TTC7A: variants seen among roughly 807,000 people sequenced by gnomAD.
TTC7A encodes tetratricopeptide repeat protein 7A.
TTC7A carries 110 observed loss-of-function variants against 103.7 expected under a neutral mutation model. The observed-to-expected ratio is 1.06, with a 90% CI of 0.91 to 1.24. The LOEUF (loss-of-function observed/expected upper bound fraction) is 1.24. Ranked by LOEUF, TTC7A falls within the 50% of genes most tolerant of loss-of-function variation. TTC7A has a pLI of 0.00. For synonymous variants in TTC7A, 521 were observed against 467.9 expected, an observed-to-expected ratio of 1.11 and a Z score of -1.47; for missense variants, 1,340 against 1,116.3, an observed-to-expected ratio of 1.20 and a Z score of -2.86.
At chr2:47,069,743 G>A (rs549061679) in intron 19 of TTC7A, among the ~76,000 whole-genome samples, 1 of 152,316 alleles carries the variant, frequency 6.6e-6, no homozygotes, top group South Asian at 2.1e-4. Context: ...CTGGAGCTGG[G>A]CTGGAATGCC....
At chr2:46,917,291 C>A (rs897934330) in intron 2 of TTC7A, 2 of 661,160 alleles carry the variant, frequency 3.0e-6, no homozygotes, top group Non-Finnish European at 5.4e-6. Context: ...AGCCACCGCG[C>A]CGGGACAAAG....
At position 46,989,932 on chromosome 2, in the gene TTC7A, A is replaced by T. The variant is rs185784188; in HGVS notation, c.765-3518A>T. Among the ~76,000 whole-genome samples the T allele has an allele frequency of 3.9e-5, 6 of 152,226 alleles. No homozygotes were observed. The East Asian group carries it at 1.2e-3, about 29-fold the overall frequency. On this transcript the variant is annotated intron_variant, in intron 5 of 19. Coordinates refer to ENST00000319190, the MANE Select transcript of TTC7A (RefSeq NM_020458.4). ...GCTGGTCCAAGAGCGTTGATGATGT[A>T]AAGGCTAAAGGCTGAGCTCATTTGG...
At chr2:47,032,348 CTG>C (rs1262362876) in intron 15 of TTC7A, among the ~76,000 whole-genome samples, 1 of 152,214 alleles carries the variant, frequency 6.6e-6, no homozygotes, top group Non-Finnish European at 1.5e-5. Context: ...TGCAGAGTAA[CTG>C]TGCCCCTGTC....
intron 3 of TTC7A, among the ~76,000 whole-genome samples, chr2:46,967,073 C>T (rs1010616908): frequency 1.3e-5 from 2 of 151,846 alleles, no homozygotes; most frequent in Non-Finnish European, 1.5e-5. Context: ...ATTAGCCAGG[C>T]GTGGTGGCGC....
At chr2:47,014,590 A>C (rs558236432) in intron 11 of TTC7A, among the ~76,000 whole-genome samples, 1 of 152,330 alleles carries the variant, frequency 6.6e-6, no homozygotes, top group South Asian at 2.1e-4. Flanking sequence ...GCTCACAGTG[A>C]AAAGAATGGG....
In TTC7A at chr2:47,006,073, T is replaced by C; in HGVS notation, c.1203+14T>C. 2.5e-6 allele frequency: 4 copies of C among 1,610,782 alleles called. No homozygotes were observed. In the East Asian group the frequency reaches 6.7e-5, roughly 27 times the overall value. On this transcript the variant is annotated intron_variant, in intron 9 of 19. Transcript: ENST00000319190. ...ATGCTCTCGGAGGTACGGCCGGCCA[T>C]GCAGCCCACCCCACTCTCCGGAGTC...
intron 19 of TTC7A, among the ~76,000 whole-genome samples, chr2:47,067,409 G>A (rs917893062): frequency 2.6e-5 from 4 of 152,244 alleles, no homozygotes; most frequent in Non-Finnish European, 5.9e-5. Flanking sequence ...GTTTCTGTTG[G>A]ACCATTCTTA....
chr2:46,967,808 T>C (rs1672990145), intron 3 of TTC7A, among the ~76,000 whole-genome samples: 1 of 152,134 alleles, frequency 6.6e-6, no homozygotes, highest in African/African-American at 2.4e-5. Flanking sequence ...TATGGTAATA[T>C]CTATTTTTAA....
rs559759471 is a variant in TTC7A at position 47,003,788 on chromosome 2, C to T, written c.1066-2134C>T. On this transcript the variant is annotated intron_variant, in intron 8 of 19. Coordinates refer to ENST00000319190, the MANE Select transcript of TTC7A (RefSeq NM_020458.4). ...CCCATGGGCAGGGCCTCTGTGCCCC[C>T]GTCCTCTCACACCCGAGCCACTCTT... Among the ~76,000 whole-genome samples the T allele has an allele frequency of 3.9e-5, 6 of 152,340 alleles. No homozygotes were observed. In the South Asian group the frequency reaches 1.2e-3, roughly 32 times the overall value.
chr2:46,967,957 G>A (rs1039343755), intron 3 of TTC7A, among the ~76,000 whole-genome samples: 8 of 151,966 alleles, frequency 5.3e-5, no homozygotes, highest in African/African-American at 1.7e-4. Flanking sequence ...TTCATCTTCC[G>A]TGGGTGCTGC....
Position 46,975,115 on chromosome 2 carries a change from A to T in TTC7A, c.648+12A>T, listed in dbSNP as rs1216485055. The T allele has an allele frequency of 6.2e-7, 1 of 1,612,970 alleles. No individual in the cohort carries two copies. The highest frequency in any genetic ancestry group is 8.5e-7 in the Non-Finnish European group (1 of 1,179,304). On this transcript the variant is annotated intron_variant, in intron 4 of 19. Coordinates refer to ENST00000319190, the MANE Select transcript of TTC7A (RefSeq NM_020458.4). ...AGGAATTGGAGAAGGTGAGCTGGAAATAACACCGTGGTAGGAGCTGCTCTC... is the reference window on the plus strand; with the variant it reads ...AGGAATTGGAGAAGGTGAGCTGGAATTAACACCGTGGTAGGAGCTGCTCTC...
chr2:46,986,318 G>A (rs1229750101), intron 5 of TTC7A, among the ~76,000 whole-genome samples: 6 of 152,212 alleles, frequency 3.9e-5, no homozygotes, highest in Non-Finnish European at 8.8e-5. Flanking sequence ...AGGGGAGTCA[G>A]GTTTAGGTGA....
rs531916184 is a variant in TTC7A, at chr2:47,073,548, A to G, written c.2356-154A>G. On this transcript the variant is annotated intron_variant, in intron 19 of 19. Transcript: ENST00000319190. ...GGGCCAGGTAGGATTTGTATGGGGA[A>G]AGGCACAGTCACTTAACAGTGCCCA... Among the ~76,000 whole-genome samples, 4 of 152,314 alleles carry G rather than the reference A, an allele frequency of 2.6e-5. No individual in the cohort carries two copies. The East Asian group carries it at 7.7e-4, about 29-fold the overall frequency.
chr2:46,981,528 G>A (rs1297013793), intron 5 of TTC7A, among the ~76,000 whole-genome samples: 1 of 152,202 alleles, frequency 6.6e-6, no homozygotes, highest in African/African-American at 2.4e-5. Flanking sequence ...AGGACAGTAG[G>A]AATCTGCAGG....
chr2:47,064,038 C>G (rs1340618137), intron 19 of TTC7A, among the ~76,000 whole-genome samples: 1 of 152,214 alleles, frequency 6.6e-6, no homozygotes, highest in African/African-American at 2.4e-5. Flanking sequence ...CCTGTCGGTG[C>G]CCTAGATGCA....
intron 3 of TTC7A, 132 bp from the exon 4 acceptor site, chr2:46,974,841 C>A: frequency 1.5e-6 from 2 of 1,308,080 alleles, no homozygotes; most frequent in Non-Finnish European, 2.1e-6. Flanking sequence ...CTCCCCTCCG[C>A]AGACCTCCGC....
At chr2:46,955,354 G>A (rs1025820210) in intron 2 of TTC7A, among the ~76,000 whole-genome samples, 2 of 152,204 alleles carry the variant, frequency 1.3e-5, no homozygotes, top group East Asian at 3.9e-4. Flanking sequence ...GGAGTGGATG[G>A]CCTATCTGGG....
rs759803354 is a variant in TTC7A, at chr2:47,060,847, C to T, written c.2231C>T (p.Ser744Phe). 6.2e-7 allele frequency: 1 copy of T among 1,613,976 alleles called. No homozygotes were observed. Among genetic ancestry groups the T allele is most frequent in the Non-Finnish European group, 8.5e-7 (1 of 1,179,952 alleles). The change falls in exon 19 of 20, where the codon TCT (serine) becomes TTT (phenylalanine). Residue 744 changes from serine (S) to phenylalanine (F), a missense_variant. Ser to Phe is a radical substitution (Grantham distance 155). Coordinates refer to ENST00000319190, the MANE Select transcript of TTC7A (RefSeq NM_020458.4). ...IQEAAGLFPT[S>F]HSVLYMRGRL... ...GAGGCGGCGGGCCTCTTCCCCACTT[C>T]TCACTCAGTACTCTATATGCGGGGC...
chr2:46,995,068 A>G (rs1003710846), intron 7 of TTC7A, 68 bp from the exon 8 acceptor site: 1 of 1,497,598 alleles, frequency 6.7e-7, no homozygotes, highest in Admixed American at 1.7e-5. Flanking sequence ...GAAGGCTGGC[A>G]TGGTGGGTCA....
Sources: allele counts gnomAD v4.1 joint callset (sites outside exome capture counted in the v4.1 genomes callset), GRCh38; gene constraint gnomAD v4.1.1; transcripts MANE v1.5; gene names NCBI Gene and HGNC (gene_info 2026-07-23, HGNC 2026-07-21).